Variants in SUPT3H observed in about 807,000 individuals in gnomAD.
SUPT3H encodes transcription initiation protein SPT3 homolog.
A neutral mutation model predicts 44.3 loss-of-function variants in SUPT3H; 44 were observed. The observed-to-expected ratio is 0.99, with a 90% CI of 0.78 to 1.28. The LOEUF (loss-of-function observed/expected upper bound fraction) is 1.28. Ranked by LOEUF, SUPT3H falls within the 50% of genes most tolerant of loss-of-function variation. The pLI is 0.00. For missense variants in SUPT3H, 380 were observed against 387.1 expected (o/e 0.98, Z 0.15); for synonymous variants, 124 against 125.6 (o/e 0.99, Z 0.09).
chr6:45,207,555 G>A (rs1403421147), intron 2 of SUPT3H, among the ~76,000 whole-genome samples: 1 of 152,204 alleles, frequency 6.6e-6, no homozygotes, highest in African/African-American at 2.4e-5. Context: ...ATGCAAGTCT[G>A]TATGTCATTT....
At chr6:45,182,294 T>C (rs2153613977) in intron 2 of SUPT3H, among the ~76,000 whole-genome samples, 1 of 152,356 alleles carries the variant, frequency 6.6e-6, no homozygotes, top group African/African-American at 2.4e-5. Flanking sequence ...AGAGTCTCAC[T>C]GTAACCCCCA....
At chr6:44,890,914 A>T (rs1763202631) in intron 10 of SUPT3H, among the ~76,000 whole-genome samples, 1 of 148,932 alleles carries the variant, frequency 6.7e-6, no homozygotes, top group Admixed American at 6.7e-5. Context: ...AAACACTGCA[A>T]GTCGGAGTTG....
chr6:45,076,583 G>T (rs1795029574), intron 3 of SUPT3H, among the ~76,000 whole-genome samples: 1 of 151,832 alleles, frequency 6.6e-6, no homozygotes, highest in Non-Finnish European at 1.5e-5. Context: ...AATGAAGTCA[G>T]ACTCACACTC....
At chr6:44,958,474 G>T (rs564929723) in intron 7 of SUPT3H, among the ~76,000 whole-genome samples, 10 of 152,236 alleles carry the variant, frequency 6.6e-5, no homozygotes, top group South Asian at 4.2e-4. Flanking sequence ...CTTCTTCAGA[G>T]GGCATGGTTT....
rs59633405 is a variant in SUPT3H at position 45,315,922 on chromosome 6, CAGATAGATAGAT to C, written c.101+49267_101+49278del. 1.0e-2 allele frequency among the ~76,000 whole-genome samples: 1,452 copies of C among 145,572 alleles called. 21 individuals are homozygous for C. Among genetic ancestry groups the C allele is most frequent in the Middle Eastern group, 0.034 (10 of 290 alleles). On this transcript the variant is annotated intron_variant, in intron 2 of 10. Transcript: ENST00000371459. ...GAGTGGATAAAGAAGCTCAGATAGA[CAGATAGATAGAT>C]AGATAGATAGATAGATAGATAGATA...
intron 10 of SUPT3H, among the ~76,000 whole-genome samples, chr6:44,904,312 T>A (rs1219348352): frequency 6.6e-6 from 1 of 152,184 alleles, no homozygotes; most frequent in Non-Finnish European, 1.5e-5. Context: ...ATAAGCAACT[T>A]CAGCAAAGTC....
intron 9 of SUPT3H, among the ~76,000 whole-genome samples, chr6:44,942,390 G>T (rs1336731223): frequency 6.6e-6 from 1 of 152,186 alleles, no homozygotes; most frequent in Non-Finnish European, 1.5e-5. Context: ...GGGAATGTCA[G>T]TGGGTGGATT....
At chr6:45,166,624 G>A (rs552114369) in intron 2 of SUPT3H, among the ~76,000 whole-genome samples, 1 of 146,922 alleles carries the variant, frequency 6.8e-6, no homozygotes, top group Non-Finnish European at 1.5e-5. Flanking sequence ...AAAGGAGGGA[G>A]AAAAAGTAGA....
At chr6:45,041,615 T>C (rs1308662348) in intron 3 of SUPT3H, among the ~76,000 whole-genome samples, 1 of 152,040 alleles carries the variant, frequency 6.6e-6, no homozygotes, top group East Asian at 1.9e-4. Context: ...ATCAGAAAAA[T>C]TGCTTTTGAA....
At chr6:45,077,505 T>C (rs115517198) in intron 3 of SUPT3H, among the ~76,000 whole-genome samples, 2,994 of 151,698 alleles carry the variant, frequency 0.02, 55 homozygotes, top group South Asian at 0.085. Flanking sequence ...CCTGTGCCTA[T>C]AGTCCCAGCT....
intron 3 of SUPT3H, among the ~76,000 whole-genome samples, chr6:45,080,365 C>T (rs77808362): frequency 8.6e-4 from 131 of 152,104 alleles, no homozygotes; most frequent in Non-Finnish European, 5.0e-4. Flanking sequence ...ACAATCACTA[C>T]GCAGAACAGT....
chr6:45,349,784 C>A (rs1254658925), intron 2 of SUPT3H, among the ~76,000 whole-genome samples: 4 of 152,172 alleles, frequency 2.6e-5, no homozygotes, highest in Non-Finnish European at 5.9e-5. Context: ...AGAAAGGCAA[C>A]CAAACAATGA....
chr6:45,079,928 T>C (rs1189865827), intron 3 of SUPT3H, among the ~76,000 whole-genome samples: 1 of 152,034 alleles, frequency 6.6e-6, no homozygotes, highest in East Asian at 1.9e-4. Flanking sequence ...GCATAGGCAA[T>C]CAAAGTAAAA....
chr6:44,908,496 T>C (rs996521104), intron 10 of SUPT3H, among the ~76,000 whole-genome samples: 1 of 152,120 alleles, frequency 6.6e-6, no homozygotes, highest in Non-Finnish European at 1.5e-5. Context: ...TGAATCTCAA[T>C]TCTAAACAGA....
At chr6:44,992,127 T>G (rs1442836844) in intron 6 of SUPT3H, among the ~76,000 whole-genome samples, 2 of 152,184 alleles carry the variant, frequency 1.3e-5, no homozygotes, top group Non-Finnish European at 2.9e-5. Context: ...TCAATGATAT[T>G]TTAAAATTCA....
chr6:45,255,528 C>T (rs1455479407), intron 2 of SUPT3H, among the ~76,000 whole-genome samples: 1 of 150,162 alleles, frequency 6.7e-6, no homozygotes, highest in Non-Finnish European at 1.5e-5. Context: ...CTCAAGCACT[C>T]CTGCCACCTC....
intron 6 of SUPT3H, among the ~76,000 whole-genome samples, chr6:44,996,387 C>A (rs951288239): frequency 6.6e-5 from 10 of 151,788 alleles, no homozygotes; most frequent in African/African-American, 2.2e-4. Context: ...ATAAATGATA[C>A]TGATAGTTTT....
rs191938254 is a variant in SUPT3H at position 45,061,756 on chromosome 6, A to C, written c.187-41124T>G. ...TGACTATATATATCAATATCAGACT[A>C]ATATTTTATGTGATACTTATGAATA... On this transcript the variant is annotated intron_variant, in intron 3 of 10. Coordinates refer to ENST00000371459, the MANE Select transcript of SUPT3H (RefSeq NM_003599.4). Among the ~76,000 whole-genome samples the C allele has an allele frequency of 6.7e-4, 102 of 152,204 alleles. 1 individual carries two copies. Among genetic ancestry groups the C allele is most frequent in the South Asian group, 3.7e-3 (18 of 4,826 alleles).
intron 3 of SUPT3H, among the ~76,000 whole-genome samples, chr6:45,101,379 C>T (rs769097180): frequency 2.0e-5 from 3 of 152,180 alleles, no homozygotes; most frequent in African/African-American, 7.2e-5. Flanking sequence ...GAGCCGAGAT[C>T]GTGCCATTGC....
Sources: allele counts gnomAD v4.1 joint callset (sites outside exome capture counted in the v4.1 genomes callset), GRCh38; gene constraint gnomAD v4.1.1; transcripts MANE v1.5; gene names NCBI Gene and HGNC (gene_info 2026-07-23, HGNC 2026-07-21).